NR1I2: variants seen among roughly 807,000 people sequenced by gnomAD.
NR1I2 encodes orphan nuclear receptor PAR1.
A neutral mutation model predicts 43.3 loss-of-function variants in NR1I2; 42 were observed. The ratio of observed to expected loss-of-function variants is 0.97; its 90% CI spans 0.76 to 1.26. NR1I2 has a LOEUF of 1.26. Ranked by LOEUF, NR1I2 falls within the 50% of genes most tolerant of loss-of-function variation. NR1I2 has a pLI of 0.00. For synonymous variants in NR1I2, 229 were observed against 215.0 expected, an observed-to-expected ratio of 1.06 and a Z score of -0.57; for missense variants, 559 against 566.7, an observed-to-expected ratio of 0.99 and a Z score of 0.14.
intron 1 of NR1I2, among the ~76,000 whole-genome samples, chr3:119,795,834 TC>T (rs1412850543): frequency 1.3e-5 from 2 of 152,214 alleles, no homozygotes; most frequent in East Asian, 3.9e-4. Flanking sequence ...TTGCCCTACA[TC>T]ATCACTAAAC....
At chr3:119,788,232 G>A (rs1417623995) in intron 1 of NR1I2, among the ~76,000 whole-genome samples, 2 of 152,080 alleles carry the variant, frequency 1.3e-5, no homozygotes, top group East Asian at 1.9e-4. Flanking sequence ...TCCCGCCTCA[G>A]CCCCCCAGAG....
chr3:119,795,822 C>T (rs958251778), intron 1 of NR1I2, among the ~76,000 whole-genome samples: 1 of 152,180 alleles, frequency 6.6e-6, no homozygotes, highest in African/African-American at 2.4e-5. Context: ...GGATTTTCTC[C>T]TTTGCCCTAC....
intron 1 of NR1I2, chr3:119,792,254 G>A (rs1241144738): frequency 2.6e-6 from 4 of 1,542,194 alleles, no homozygotes; most frequent in South Asian, 2.3e-5. Flanking sequence ...AGAGAGAACT[G>A]GTCTCCAGGC....
At position 119,800,722 on chromosome 3, in the gene NR1I2, C is replaced by T. The variant is rs573875832; in HGVS notation, c.-22-6507C>T. Among the ~76,000 whole-genome samples the T allele has an allele frequency of 3.3e-5, 5 of 152,216 alleles. No homozygotes were observed. In the East Asian group the frequency reaches 5.8e-4, roughly 18 times the overall value. ...TGTGGTCAGAGTGGCAGTAAGGTTC[C>T]TCGGTCCATTCTTCTATAGCTGGAA... On this transcript the variant is annotated intron_variant, in intron 1 of 8. Transcript: ENST00000393716.
chr3:119,811,556 G>C lies in NR1I2; in HGVS notation c.349G>C (p.Ala117Pro). The C allele has an allele frequency of 6.2e-7, 1 of 1,613,552 alleles. No homozygotes were observed. ...CCCTGCAGTGATCATGTCCGACGAG[G>C]CCGTGGAGGAGAGGCGGGCCTTGAT... The change falls in exon 4 of 9, where the codon GCC becomes CCC. Residue 117 changes from alanine (A) to proline (P), a missense_variant. By Grantham distance (27) the Ala-to-Pro change is conservative (BLOSUM62 -1). This residue lies in a region of NR1I2 where 232 missense variants were observed against 236.6 expected (regional missense o/e 0.98). Coordinates refer to ENST00000393716, the MANE Select transcript of NR1I2 (RefSeq NM_003889.4).
intron 1 of NR1I2, among the ~76,000 whole-genome samples, chr3:119,804,208 A>T (rs1347181550): frequency 1.0e-4 from 15 of 149,654 alleles, no homozygotes; most frequent in Non-Finnish European, 1.8e-4. Flanking sequence ...TGTCTCTACT[A>T]AAAAAAATAC....
chr3:119,788,208 G>A (rs1189530084), intron 1 of NR1I2, among the ~76,000 whole-genome samples: 1 of 152,112 alleles, frequency 6.6e-6, no homozygotes, highest in East Asian at 1.9e-4. Context: ...CGAACTCCTG[G>A]GCTCAAGTGA....
intron 1 of NR1I2, among the ~76,000 whole-genome samples, chr3:119,800,690 C>A (rs1260838289): frequency 1.3e-5 from 2 of 152,146 alleles, no homozygotes; most frequent in African/African-American, 2.4e-5. Context: ...GACAAGATGC[C>A]TCTGGATGTG....
chr3:119,815,539 GC>G, intron 7 of NR1I2, 100 bp downstream of exon 7: 1 of 1,133,352 alleles, frequency 8.8e-7, no homozygotes, highest in South Asian at 1.2e-5. Context: ...TCACTGCGCA[GC>G]CAGGATGGGG....
At chr3:119,813,414 A>AG (rs2055272983) in intron 5 of NR1I2, among the ~76,000 whole-genome samples, 1 of 152,208 alleles carries the variant, frequency 6.6e-6, no homozygotes, top group Non-Finnish European at 1.5e-5. Context: ...CCCAAGGGTC[A>AG]GGTCTCCCCA....
chr3:119,815,807 G>A lies in NR1I2; in HGVS notation c.1136G>A (p.Cys379Tyr). Residue 379 changes from cysteine (C) to tyrosine (Y), a missense_variant, in exon 8 of 9, where the codon TGC (cysteine) becomes TAC (tyrosine). This residue lies in a region of NR1I2 where 323 missense variants were observed against 312.2 expected (regional missense o/e 1.03). Coordinates refer to ENST00000393716, the MANE Select transcript of NR1I2 (RefSeq NM_003889.4). Reference sequence around the variant, plus strand: ...ATTACTCTGAAGTCCTACATTGAATGCAATCGGCCCCAGCCTGCTCATAGG... The same window carrying A: ...ATTACTCTGAAGTCCTACATTGAATACAATCGGCCCCAGCCTGCTCATAGG... The A allele has an allele frequency of 6.2e-7, 1 of 1,612,400 alleles. No individual in the cohort carries two copies. The highest frequency in any genetic ancestry group is 1.3e-5 in the African/African-American group (1 of 75,040).
chr3:119,792,321 G>T, intron 1 of NR1I2: 1 of 1,440,136 alleles, frequency 6.9e-7, no homozygotes. Context: ...CCTGGATGAT[G>T]TGTCTTTGAC....
chr3:119,798,037 A>G (rs1269577024), intron 1 of NR1I2, among the ~76,000 whole-genome samples: 1 of 151,916 alleles, frequency 6.6e-6, no homozygotes, highest in Admixed American at 6.6e-5. Flanking sequence ...ATTCCCAGCA[A>G]TTTTACGATG....
At chr3:119,799,528 C>A (rs562539771) in intron 1 of NR1I2, among the ~76,000 whole-genome samples, 16 of 152,060 alleles carry the variant, frequency 1.1e-4, no homozygotes, top group Non-Finnish European at 2.4e-4. Flanking sequence ...TTTTCAATTT[C>A]AATGAAGTTC....
chr3:119,814,923 C>T (rs192839658), intron 5 of NR1I2, 56 bp from the exon 6 acceptor site: 23 of 1,611,104 alleles, frequency 1.4e-5, no homozygotes, highest in Admixed American at 8.3e-5. Context: ...CTGCTGGTGC[C>T]GGTCTGTGGG....
At position 119,812,922 on chromosome 3, in the gene NR1I2, A is replaced by C. The variant is rs1237522486; in HGVS notation, c.756A>C (p.Lys252Asn). 6.2e-7 allele frequency: 1 copy of C among 1,614,026 alleles called. No individual in the cohort carries two copies. Among genetic ancestry groups the C allele is most frequent in the South Asian group, 1.1e-5 (1 of 91,082 alleles). The change falls in exon 5 of 9, where the codon AAA becomes AAC. Residue 252 changes from lysine to asparagine, a missense_variant. This residue lies in a region of NR1I2 where 323 missense variants were observed against 312.2 expected (regional missense o/e 1.03). Coordinates refer to ENST00000393716, the MANE Select transcript of NR1I2 (RefSeq NM_003889.4). ...CTGACATGTCAACCTACATGTTCAA[A>C]GGCATCATCAGCTTTGCCAAAGTCA... is the stretch of plus-strand genomic sequence containing the variant.
At chr3:119,809,991 T>G (rs933726958) in intron 2 of NR1I2, 70 bp from the exon 3 acceptor site, 1 of 1,594,948 alleles carries the variant, frequency 6.3e-7, no homozygotes, top group Admixed American at 1.7e-5. Context: ...GGAGGTGGTA[T>G]GGCCCGGAGC....
At chr3:119,802,204 A>G (rs1476411147) in intron 1 of NR1I2, among the ~76,000 whole-genome samples, 1 of 152,174 alleles carries the variant, frequency 6.6e-6, no homozygotes, top group African/African-American at 2.4e-5. Flanking sequence ...GAGAGAAGGA[A>G]CTATAGAATG....
chr3:119,813,529 G>A lies in NR1I2; in HGVS notation c.794+569G>A, dbSNP rs575586500. On this transcript the variant is annotated intron_variant, in intron 5 of 8. Transcript: ENST00000393716. ...ACAGCCCCAGAATATGTGTGCAGTC[G>A]TAGGATTAGGGATGGTGCCAGGTGT... is the stretch of plus-strand genomic sequence containing the variant. Among the ~76,000 whole-genome samples, 6 of 152,250 alleles carry A rather than the reference G, an allele frequency of 3.9e-5. No individual in the cohort carries two copies. In the South Asian group the frequency reaches 8.3e-4, roughly 21 times the overall value.
Sources: gnomAD v4.1 joint callset for allele counts (sites outside exome capture counted in the v4.1 genomes callset) on GRCh38, gnomAD v4.1.1 for gene constraint, gnomAD v4.1.1 regional missense constraint, MANE v1.5 for transcripts, NCBI Gene and HGNC (gene_info 2026-07-23, HGNC 2026-07-21) for gene names.